GPC5: variants seen among roughly 807,000 people sequenced by gnomAD.
GPC5 encodes the protein glypican 5.
Under a neutral mutation model 53.9 loss-of-function variants are expected in GPC5, and 47 were observed. That is an observed-to-expected ratio of 0.87 (90% CI 0.69 to 1.11). The LOEUF (loss-of-function observed/expected upper bound fraction) is 1.11, where lower values mean the gene tolerates loss of function less well. Ranked by LOEUF, GPC5 falls within the 50% of genes most tolerant of loss-of-function variation. The pLI is 0.00. For missense variants in GPC5, 748 were observed against 713.1 expected (o/e 1.05, Z -0.56); for synonymous variants, 286 against 263.3 (o/e 1.09, Z -0.84).
chr13:92,345,888 C>T (rs999824867), intron 7 of GPC5, among the ~76,000 whole-genome samples: 2 of 152,144 alleles, frequency 1.3e-5, no homozygotes, highest in African/African-American at 2.4e-5. Flanking sequence ...CTACAGATCT[C>T]GCTGGTATTT....
chr13:92,156,088 G>A (rs2041943139), intron 7 of GPC5, among the ~76,000 whole-genome samples: 1 of 152,044 alleles, frequency 6.6e-6, no homozygotes, highest in Non-Finnish European at 1.5e-5. Flanking sequence ...TTCTCGTCAT[G>A]TAGTGTCAAA....
At chr13:91,525,879 A>C (rs753622927) in intron 2 of GPC5, among the ~76,000 whole-genome samples, 7 of 152,244 alleles carry the variant, frequency 4.6e-5, no homozygotes, top group African/African-American at 1.7e-4. Context: ...CAATTTTATT[A>C]CAAAAATGAT....
intron 7 of GPC5, among the ~76,000 whole-genome samples, chr13:92,163,081 T>C (rs921562796): frequency 2.6e-5 from 4 of 152,070 alleles, no homozygotes; most frequent in African/African-American, 4.8e-5. Flanking sequence ...TATGAATATA[T>C]GAATGAGTGA....
At chr13:92,770,420 A>G (rs1875570368) in intron 7 of GPC5, among the ~76,000 whole-genome samples, 1 of 151,108 alleles carries the variant, frequency 6.6e-6, no homozygotes, top group African/African-American at 2.4e-5. Flanking sequence ...GTCTCAAAAA[A>G]AAAAAAAAAA....
chr13:91,997,119 T>A (rs1382085762), intron 6 of GPC5, among the ~76,000 whole-genome samples: 9 of 152,142 alleles, frequency 5.9e-5, no homozygotes, highest in African/African-American at 2.2e-4. Flanking sequence ...AGCATAAACA[T>A]TGGTTCATAG....
chr13:91,755,290 T>C (rs2037265817), intron 4 of GPC5, among the ~76,000 whole-genome samples: 1 of 152,126 alleles, frequency 6.6e-6, no homozygotes, highest in Non-Finnish European at 1.5e-5. Context: ...TTTTTAGTCT[T>C]AATGAGGGTG....
intron 6 of GPC5, among the ~76,000 whole-genome samples, chr13:92,083,273 G>A (rs1188568090): frequency 6.6e-6 from 1 of 152,130 alleles, no homozygotes; most frequent in Admixed American, 6.5e-5. Flanking sequence ...CTGGTGTCCA[G>A]CAGTGACATT....
At chr13:92,557,658 T>A (rs1271878180) in intron 7 of GPC5, among the ~76,000 whole-genome samples, 1 of 152,002 alleles carries the variant, frequency 6.6e-6, no homozygotes, top group Non-Finnish European at 1.5e-5. Flanking sequence ...ACATCTACTC[T>A]GTATCAGAGA....
At chr13:91,972,554 C>G (rs1283896888) in intron 6 of GPC5, among the ~76,000 whole-genome samples, 1 of 152,160 alleles carries the variant, frequency 6.6e-6, no homozygotes, top group Non-Finnish European at 1.5e-5. Context: ...ACAGTTTCTT[C>G]CTAGCCTTGA....
rs144949123 is a variant in GPC5, at chr13:92,104,581, A to G, written c.1402-40249A>G. On this transcript the variant is annotated intron_variant, in intron 6 of 7. Transcript: ENST00000377067. ...AGAGATCATAGATGACATTGTTACA[A>G]GTTACTTTATGGTAGGTATCATCTG... Among the ~76,000 whole-genome samples the G allele has an allele frequency of 6.2e-3, 951 of 152,278 alleles. 3 individuals carry two copies. The highest frequency in any genetic ancestry group is 9.9e-3 in the Non-Finnish European group (673 of 68,020).
chr13:92,643,852 A>T (rs1246759183), intron 7 of GPC5, among the ~76,000 whole-genome samples: 1 of 137,068 alleles, frequency 7.3e-6, no homozygotes, highest in African/African-American at 2.5e-5. Context: ...CAATGTGCAC[A>T]TGTACCCTAA....
At chr13:92,549,325 C>CT (rs1882230621) in intron 7 of GPC5, among the ~76,000 whole-genome samples, 2 of 151,988 alleles carry the variant, frequency 1.3e-5, no homozygotes, top group East Asian at 1.9e-4. Flanking sequence ...GATAGAAAAC[C>CT]TTTTTTATTT....
intron 5 of GPC5, among the ~76,000 whole-genome samples, chr13:91,869,025 TG>T (rs1338350135): frequency 1.3e-5 from 2 of 152,072 alleles, no homozygotes; most frequent in African/African-American, 4.8e-5. Context: ...GCAATGGTGT[TG>T]TTTTTTGTTT....
intron 7 of GPC5, among the ~76,000 whole-genome samples, chr13:92,331,078 T>C (rs2043284904): frequency 6.6e-6 from 1 of 152,162 alleles, no homozygotes; most frequent in Non-Finnish European, 1.5e-5. Flanking sequence ...AATAGATTTT[T>C]TTAAATATGT....
intron 7 of GPC5, among the ~76,000 whole-genome samples, chr13:92,563,714 T>C (rs1882772034): frequency 6.6e-6 from 1 of 152,068 alleles, no homozygotes; most frequent in African/African-American, 2.4e-5. Context: ...GATTAAGTTC[T>C]TTTATTATGA....
intron 2 of GPC5, among the ~76,000 whole-genome samples, chr13:91,465,944 A>G (rs1882210930): frequency 6.6e-6 from 1 of 152,158 alleles, no homozygotes; most frequent in African/African-American, 2.4e-5. Context: ...ATCCAAATCA[A>G]ACTTAAATTA....
intron 7 of GPC5, among the ~76,000 whole-genome samples, chr13:92,286,968 T>G (rs1274406572): frequency 6.6e-6 from 1 of 152,184 alleles, no homozygotes; most frequent in Non-Finnish European, 1.5e-5. Context: ...GATGGCCATA[T>G]GCAAGCCAAC....
intron 7 of GPC5, among the ~76,000 whole-genome samples, chr13:92,391,908 G>T (rs1875020118): frequency 6.6e-6 from 1 of 152,164 alleles, no homozygotes; most frequent in Non-Finnish European, 1.5e-5. Flanking sequence ...GGAATGGCTG[G>T]ATTTTGGTGG....
chr13:92,538,214 G>C lies in GPC5; in HGVS notation c.1562-328068G>C, dbSNP rs568345101. On this transcript the variant is annotated intron_variant, in intron 7 of 7. Coordinates refer to ENST00000377067, the MANE Select transcript of GPC5 (RefSeq NM_004466.6). ...TGTAAAAATGGATTATCTATTCCTCGTCCTCCACTTCCGTTCCCTCTCCTC... is the reference window on the plus strand; with the variant it reads ...TGTAAAAATGGATTATCTATTCCTCCTCCTCCACTTCCGTTCCCTCTCCTC... Among the ~76,000 whole-genome samples the C allele has an allele frequency of 5.4e-5, 8 of 149,442 alleles. No homozygotes were observed. The Admixed American group carries it at 5.4e-4, about 10-fold the overall frequency.
Sources: allele counts gnomAD v4.1 joint callset (sites outside exome capture counted in the v4.1 genomes callset), GRCh38; gene constraint gnomAD v4.1.1; transcripts MANE v1.5; gene names NCBI Gene and HGNC (gene_info 2026-07-23, HGNC 2026-07-21).